Variants in AGPAT5 observed in about 807,000 individuals in gnomAD.
The protein encoded by AGPAT5 is 1-acyl-sn-glycerol-3-phosphate acyltransferase epsilon.
In AGPAT5, 46 loss-of-function variants were observed where a neutral mutation model predicts 45.6. The observed-to-expected ratio is 1.01, with a 90% CI of 0.80 to 1.29. The LOEUF is 1.29. Among genes scored for constraint, AGPAT5 ranks in the 50% most tolerant of loss-of-function variants. AGPAT5 has a pLI of 0.00. For synonymous variants in AGPAT5, 272 were observed against 167.0 expected (o/e 1.63, Z -4.85); for missense variants, 673 against 450.7 (o/e 1.49, Z -4.47).
intron 1 of AGPAT5, among the ~76,000 whole-genome samples, chr8:6,721,233 A>G (rs1463885258): frequency 1.3e-5 from 2 of 152,232 alleles, no homozygotes; most frequent in Non-Finnish European, 2.9e-5. Context: ...AACTGGTAAT[A>G]TATTTCGTTG....
At chr8:6,709,248 A>T in intron 1 of AGPAT5, 1 of 313,980 alleles carries the variant, frequency 3.2e-6, no homozygotes, top group South Asian at 2.9e-5. Flanking sequence ...ATGTTGGAAC[A>T]GATCGGAGAC....
rs777180093 is a variant in AGPAT5, at chr8:6,755,144, G to A, written c.839G>A (p.Trp280Ter). 1.9e-6 allele frequency: 3 copies of A among 1,607,050 alleles called. No individual in the cohort carries two copies. The highest frequency in any genetic ancestry group is 2.5e-6 in the Non-Finnish European group (3 of 1,178,788). ...VPEEQEHMRRWLHERFEIKDK... is the reference protein window; with the variant it reads ...VPEEQEHMRR ...GAAGAACAAGAACATATGAGAAGATGGCTGCATGAACGTTTCGAAATCAAA... is the reference window on the plus strand; with the variant it reads ...GAAGAACAAGAACATATGAGAAGATAGCTGCATGAACGTTTCGAAATCAAA... The change falls in exon 7 of 8, where the codon TGG becomes TAG. Residue 280 changes from tryptophan (W) to a stop codon, truncating the protein, a stop_gained. Coordinates refer to ENST00000285518, the MANE Select transcript of AGPAT5 (RefSeq NM_018361.5). LOFTEE classifies it high-confidence loss of function.
intron 1 of AGPAT5, among the ~76,000 whole-genome samples, chr8:6,718,632 G>A (rs936449875): frequency 6.6e-6 from 1 of 152,148 alleles, no homozygotes; most frequent in Admixed American, 6.5e-5. Flanking sequence ...ATGATTCCAT[G>A]GATAGCCCAC....
intron 1 of AGPAT5, among the ~76,000 whole-genome samples, chr8:6,720,924 G>C (rs1467715241): frequency 6.6e-6 from 1 of 152,218 alleles, no homozygotes; most frequent in Non-Finnish European, 1.5e-5. Flanking sequence ...TGAGAGAGCA[G>C]TGAGCCGTGA....
At chr8:6,722,149 TG>T (rs1418652423) in intron 1 of AGPAT5, among the ~76,000 whole-genome samples, 1 of 152,210 alleles carries the variant, frequency 6.6e-6, no homozygotes, top group African/African-American at 2.4e-5. Context: ...AGGTTTATTT[TG>T]CCAGTTTCTG....
At chr8:6,715,227 T>G (rs1031431019) in intron 1 of AGPAT5, among the ~76,000 whole-genome samples, 20 of 151,978 alleles carry the variant, frequency 1.3e-4, no homozygotes, top group African/African-American at 4.1e-4. Flanking sequence ...TTTAGCCTGG[T>G]GGGTGAGAGG....
At chr8:6,731,889 C>T (rs1350496790) in intron 3 of AGPAT5, among the ~76,000 whole-genome samples, 1 of 152,232 alleles carries the variant, frequency 6.6e-6, no homozygotes, top group East Asian at 1.9e-4. Context: ...TTCCTGTGTC[C>T]TCAGGTGGTT....
chr8:6,757,254 A>G lies in AGPAT5; in HGVS notation c.961A>G (p.Thr321Ala), dbSNP rs200356223. Residue 321 changes from threonine to alanine, a missense_variant, in exon 8 of 8, where the codon ACT becomes GCT. By Grantham distance (58) the Thr-to-Ala change is moderately conservative. Transcript: ENST00000285518. ...TAATTCCAAATTAAGTATCAAGAAG[A>G]CTTTACCATCAATGTTGATCTTAAG... ...SVNSKLSIKK[T>A]LPSMLILSGL... 1.9e-6 allele frequency: 3 copies of G among 1,614,208 alleles called. No individual in the cohort carries two copies. Among genetic ancestry groups the G allele is most frequent in the Admixed American group, 1.7e-5 (1 of 60,034 alleles).
In AGPAT5 at chr8:6,733,109, T is replaced by C. The variant is rs546624185; in HGVS notation, c.495+459T>C. On this transcript the variant is annotated intron_variant, in intron 4 of 7. Coordinates refer to ENST00000285518, the MANE Select transcript of AGPAT5 (RefSeq NM_018361.5). ...TCTACAAATGTTAAATCATTCAGTG[T>C]AAATAATATTTTATAAAACTTTATT... Among the ~76,000 whole-genome samples, 147 of 152,378 alleles carry C rather than the reference T, an allele frequency of 9.6e-4. 1 individual carries two copies. The highest frequency in any genetic ancestry group is 3.4e-3 in the African/African-American group (142 of 41,592).
intron 4 of AGPAT5, among the ~76,000 whole-genome samples, chr8:6,738,835 T>C (rs532753254): frequency 4.0e-5 from 6 of 151,660 alleles, no homozygotes; most frequent in Non-Finnish European, 7.4e-5. Context: ...GCTTAATTTA[T>C]TGATTTTTTT....
rs756652472 is a variant in AGPAT5 at position 6,730,767 on chromosome 8, C to A, written c.346C>A (p.Arg116Ser). 3 of 1,613,498 alleles carry A rather than the reference C, an allele frequency of 1.9e-6. No homozygotes were observed. The South Asian group carries it at 3.3e-5, about 18-fold the overall frequency. The change falls in exon 3 of 8, where the codon CGC becomes AGC. Residue 116 changes from arginine (R) to serine (S), a missense_variant. Transcript: ENST00000285518. ...CAGGCAGAATGCGCTAGGACATGTG[C>A]GCTACGTGCTGAAAGAAGGGTTAAA... Reference protein sequence around the residue: ...AIRQNALGHVRYVLKEGLKWL... With the variant: ...AIRQNALGHVSYVLKEGLKWL...
chr8:6,743,327 C>A (rs1472255553), intron 5 of AGPAT5, among the ~76,000 whole-genome samples: 4 of 152,220 alleles, frequency 2.6e-5, no homozygotes, highest in Non-Finnish European at 4.4e-5. Flanking sequence ...TCCTCCCCTC[C>A]ATGTCTCTCT....
chr8:6,719,513 A>T (rs1563284583), intron 1 of AGPAT5, among the ~76,000 whole-genome samples: 1 of 152,240 alleles, frequency 6.6e-6, no homozygotes, highest in African/African-American at 2.4e-5. Flanking sequence ...GAACCTGATT[A>T]TGACCATCTT....
intron 1 of AGPAT5, among the ~76,000 whole-genome samples, chr8:6,722,905 C>T (rs10110103): frequency 0.68 from 104,116 of 152,028 alleles, 36,888 homozygotes; most frequent in African/African-American, 0.86. Flanking sequence ...AACAAGCAAT[C>T]ATAATGAACT....
chr8:6,731,000 T>G (rs889634622), intron 3 of AGPAT5, among the ~76,000 whole-genome samples, 174 bp downstream of exon 3: 1 of 151,584 alleles, frequency 6.6e-6, no homozygotes, highest in African/African-American at 2.4e-5. Context: ...TCCCAAGTAG[T>G]TGGGACCGTA....
intron 1 of AGPAT5, among the ~76,000 whole-genome samples, chr8:6,722,280 C>G (rs971112021): frequency 6.6e-6 from 1 of 152,188 alleles, no homozygotes; most frequent in East Asian, 1.9e-4. Context: ...CTTCCTGTAT[C>G]TGCTGTGTCT....
At chr8:6,725,029 T>G in intron 2 of AGPAT5, 90 bp downstream of exon 2, 1 of 444,006 alleles carries the variant, frequency 2.3e-6, no homozygotes, top group Non-Finnish European at 3.7e-6. Context: ...ATGAAGTGGG[T>G]TTTTTAAAAC....
chr8:6,747,388 G>A (rs532941808), intron 5 of AGPAT5, among the ~76,000 whole-genome samples: 56 of 152,282 alleles, frequency 3.7e-4, no homozygotes, highest in African/African-American at 1.3e-3. Flanking sequence ...TACCCTTGCC[G>A]GGGTCTACTA....
intron 1 of AGPAT5, among the ~76,000 whole-genome samples, chr8:6,719,304 A>G (rs1800426876): frequency 2.0e-5 from 3 of 152,236 alleles, no homozygotes; most frequent in South Asian, 4.1e-4. Flanking sequence ...TTAGTTCAGT[A>G]TGGCAAAGAA....
Sources: gnomAD v4.1 joint callset for allele counts (sites outside exome capture counted in the v4.1 genomes callset) on GRCh38, gnomAD v4.1.1 for gene constraint, MANE v1.5 for transcripts, NCBI Gene and HGNC (gene_info 2026-07-23, HGNC 2026-07-21) for gene names.